ALCAM: variants seen among roughly 807,000 people sequenced by gnomAD.
ALCAM encodes the protein CD166 antigen.
Under a neutral mutation model 70.9 loss-of-function variants are expected in ALCAM, and 30 were observed. That is an observed-to-expected ratio of 0.42 (90% CI 0.32 to 0.57). ALCAM has a LOEUF of 0.57. Ranked by LOEUF, ALCAM falls within the 20% of genes least tolerant of loss-of-function variation. The pLI is 0.11. For missense variants in ALCAM, 591 were observed against 695.1 expected (o/e 0.85, Z 1.68); for synonymous variants, 249 against 242.5 (o/e 1.03, Z -0.25).
intron 1 of ALCAM, among the ~76,000 whole-genome samples, chr3:105,459,251 C>T (rs1937572823): frequency 6.6e-6 from 1 of 152,116 alleles, no homozygotes; most frequent in Admixed American, 6.6e-5. Context: ...AGACTCATCT[C>T]CTCTGTAAAG....
intron 1 of ALCAM, among the ~76,000 whole-genome samples, chr3:105,394,307 T>G (rs1935895220): frequency 6.6e-6 from 1 of 151,956 alleles, no homozygotes; most frequent in Non-Finnish European, 1.5e-5. Context: ...GAGAAGGACA[T>G]ACATAGCTAC....
rs1319237321 is a variant in ALCAM, at chr3:105,569,886, G to A, written c.1665-1966G>A. 2.0e-5 allele frequency among the ~76,000 whole-genome samples: 3 copies of A among 152,122 alleles called. No individual in the cohort carries two copies. In the East Asian group the frequency reaches 5.8e-4, roughly 29 times the overall value. On this transcript the variant is annotated intron_variant, in intron 14 of 15. Coordinates refer to ENST00000306107, the MANE Select transcript of ALCAM (RefSeq NM_001627.4). ...GAGCTAAAGAAAGGGATACTTTCTA[G>A]GATGTCAATTAGAAGCCTGAAAGAA...
chr3:105,390,777 T>G (rs1288396228), intron 1 of ALCAM, among the ~76,000 whole-genome samples: 1 of 152,084 alleles, frequency 6.6e-6, no homozygotes, highest in Non-Finnish European at 1.5e-5. Flanking sequence ...TTGTCTGATG[T>G]ATAAGGAAGG....
At chr3:105,370,634 AAGTATC>A (rs1935201029) in intron 1 of ALCAM, among the ~76,000 whole-genome samples, 2 of 152,278 alleles carry the variant, frequency 1.3e-5, no homozygotes, top group South Asian at 4.1e-4. Context: ...ATTATTAGAA[AAGTATC>A]AGTAGACCCC....
chr3:105,535,738 G>A (rs939983969), intron 6 of ALCAM, among the ~76,000 whole-genome samples: 19 of 151,978 alleles, frequency 1.3e-4, no homozygotes, highest in African/African-American at 4.3e-4. Flanking sequence ...GGGGGAAAAT[G>A]CAATAAAGGA....
Position 105,486,957 on chromosome 3 carries a change from C to CATTTATTTATTTTTTTATTTATTT in ALCAM, c.74-33098_74-33097insTTTTATTTATTTATTTATTTATTT, listed in dbSNP as rs1553727785. On this transcript the variant is annotated intron_variant, in intron 1 of 15. Coordinates refer to ENST00000306107, the MANE Select transcript of ALCAM (RefSeq NM_001627.4). ...CTATCTCTCTGCACAGAGCATAAGA[C>CATTTATTTATTTTTTTATTTATTT]ATTTATTTATTTATTTATTTATTTA... is the stretch of plus-strand genomic sequence containing the variant. 3.9e-4 allele frequency among the ~76,000 whole-genome samples: 58 copies of CATTTATTTATTTTTTTATTTATTT among 148,854 alleles called. No individual in the cohort carries two copies. In the South Asian group the frequency reaches 0.012, roughly 31 times the overall value.
At chr3:105,397,957 A>T (rs76494838) in intron 1 of ALCAM, among the ~76,000 whole-genome samples, 49 of 152,226 alleles carry the variant, frequency 3.2e-4, no homozygotes, top group Admixed American at 1.2e-3. Context: ...GTTAAGTTGG[A>T]TGCTAGGGAT....
Position 105,391,628 on chromosome 3 carries a change from A to C in ALCAM, c.73+24147A>C, listed in dbSNP as rs146960613. On this transcript the variant is annotated intron_variant, in intron 1 of 15. Coordinates refer to ENST00000306107, the MANE Select transcript of ALCAM (RefSeq NM_001627.4). ...GGCCAGAACTTCCAGTACTATGTTG[A>C]ATAGGAGTGGTGAGAGAGGGCATCC... Among the ~76,000 whole-genome samples the C allele has an allele frequency of 6.4e-3, 974 of 152,058 alleles. 9 individuals are homozygous for C. Among genetic ancestry groups the C allele is most frequent in the Non-Finnish European group, 0.011 (719 of 67,958 alleles).
chr3:105,475,192 G>C (rs1393532505), intron 1 of ALCAM, among the ~76,000 whole-genome samples: 1 of 151,828 alleles, frequency 6.6e-6, no homozygotes, highest in Non-Finnish European at 1.5e-5. Context: ...TTGAAGCCTG[G>C]ATTTTGAATT....
intron 1 of ALCAM, among the ~76,000 whole-genome samples, chr3:105,464,904 A>G (rs759084749): frequency 4.6e-5 from 7 of 151,370 alleles, no homozygotes; most frequent in African/African-American, 7.3e-5. Flanking sequence ...TAGTCAACAG[A>G]TAGAACATCT....
intron 1 of ALCAM, among the ~76,000 whole-genome samples, chr3:105,382,981 G>A (rs1050822461): frequency 6.6e-6 from 1 of 151,560 alleles, no homozygotes; most frequent in African/African-American, 2.4e-5. Context: ...ATTTTTCTTG[G>A]AATTCCATGT....
At chr3:105,569,863 G>A (rs920283763) in intron 14 of ALCAM, among the ~76,000 whole-genome samples, 4 of 152,158 alleles carry the variant, frequency 2.6e-5, no homozygotes, top group African/African-American at 9.7e-5. Flanking sequence ...CATTTTTTGA[G>A]CTAAAGAAAG....
chr3:105,382,061 G>T (rs1042140469), intron 1 of ALCAM, among the ~76,000 whole-genome samples: 19 of 150,892 alleles, frequency 1.3e-4, no homozygotes, highest in Non-Finnish European at 5.9e-5. Context: ...TTAGCATTAG[G>T]TATGTCTCCT....
At chr3:105,426,565 A>G (rs912727404) in intron 1 of ALCAM, among the ~76,000 whole-genome samples, 3 of 151,944 alleles carry the variant, frequency 2.0e-5, no homozygotes, top group Non-Finnish European at 4.4e-5. Context: ...ATTATATATC[A>G]TAGTAGTCAT....
chr3:105,479,182 A>T (rs1938201309), intron 1 of ALCAM, among the ~76,000 whole-genome samples: 1 of 152,192 alleles, frequency 6.6e-6, no homozygotes, highest in South Asian at 2.1e-4. Flanking sequence ...TGTTTGGTAA[A>T]AACAAAATTA....
intron 5 of ALCAM, among the ~76,000 whole-genome samples, chr3:105,534,222 C>T (rs1204497415): frequency 6.6e-6 from 1 of 152,146 alleles, no homozygotes; most frequent in Non-Finnish European, 1.5e-5. Flanking sequence ...CACCGCTCAC[C>T]TCCTGCTGTT....
rs575876978 is a variant in ALCAM at position 105,400,625 on chromosome 3, G to A, written c.73+33144G>A. On this transcript the variant is annotated intron_variant, in intron 1 of 15. Coordinates refer to ENST00000306107, the MANE Select transcript of ALCAM (RefSeq NM_001627.4). ...TGAGTAAAAGACCCTCAGGACATAC[G>A]TAAAGAGAAGAACTCTTTCTAGACA... 1.3e-3 allele frequency among the ~76,000 whole-genome samples: 204 copies of A among 152,190 alleles called. 1 individual carries two copies. Among genetic ancestry groups the A allele is most frequent in the African/African-American group, 4.0e-3 (166 of 41,534 alleles).
intron 1 of ALCAM, among the ~76,000 whole-genome samples, chr3:105,447,902 T>C (rs145595534): frequency 1.3e-5 from 2 of 152,330 alleles, no homozygotes; most frequent in African/African-American, 4.8e-5. Flanking sequence ...TTCTTTCTAA[T>C]GTTCTCAAGA....
At chr3:105,473,629 A>G (rs1353836304) in intron 1 of ALCAM, among the ~76,000 whole-genome samples, 2 of 151,636 alleles carry the variant, frequency 1.3e-5, no homozygotes, top group Non-Finnish European at 3.0e-5. Context: ...CATAAACCTC[A>G]GATTAACACA....
Sources: allele counts gnomAD v4.1 joint callset (sites outside exome capture counted in the v4.1 genomes callset), GRCh38; gene constraint gnomAD v4.1.1; transcripts MANE v1.5; gene names NCBI Gene and HGNC (gene_info 2026-07-23, HGNC 2026-07-21).